The following LIG1 variants were observed in gnomAD, a reference collection of about 807,000 sequenced individuals.
The protein encoded by LIG1 is DNA ligase 1.
A neutral mutation model predicts 115.7 loss-of-function variants in LIG1; 70 were observed. The observed-to-expected ratio is 0.60, with a 90% CI of 0.50 to 0.74. LIG1 has a LOEUF of 0.74. Ranked by LOEUF, LIG1 falls within the 30% of genes least tolerant of loss-of-function variation. The pLI, the probability that LIG1 is intolerant of heterozygous loss-of-function variation, is 0.00. For missense variants in LIG1, 1,115 were observed against 1,225.6 expected, an observed-to-expected ratio of 0.91 and a Z score of 1.35; for synonymous variants, 487 against 495.3, an observed-to-expected ratio of 0.98 and a Z score of 0.22.
At chr19:48,127,024 G>A (rs747558252) in intron 21 of LIG1, 44 of 520,170 alleles carry the variant, frequency 8.5e-5, no homozygotes, top group African/African-American at 5.8e-4. Context: ...CACTCTTCTC[G>A]TTGCAGGACC....
chr19:48,153,192 C>CA (rs776965171), intron 6 of LIG1, among the ~76,000 whole-genome samples: 2,506 of 63,750 alleles, frequency 0.039, 99 homozygotes, highest in African/African-American at 0.086. Flanking sequence ...GAGACTGTCT[C>CA]AAAAAAAAAA....
Position 48,156,938 on chromosome 19 carries a change from CAAAAAAA to C in LIG1, c.370+69_370+75del, listed in dbSNP as rs370802542. 1.2e-3 allele frequency: 707 copies of C among 610,876 alleles called. 2 individuals are homozygous for C. The African/African-American group carries it at 0.012, about 11-fold the overall frequency. 37.8% of individuals were successfully genotyped at this position (610,876 alleles called of 1,614,324 possible). On this transcript the variant is annotated intron_variant, in intron 5 of 27. Coordinates refer to ENST00000263274, the MANE Select transcript of LIG1 (RefSeq NM_000234.3). ...TAGGCAACAGAGCGAGACTATGTCT[CAAAAAAA>C]AAAAAAAAAAAAAAAAAGAGAAAAA...
rs1341410760 is a variant in LIG1, at chr19:48,170,339, A to C, written c.-156T>G. 5 of 438,538 alleles carry C rather than the reference A, an allele frequency of 1.1e-5. No individual in the cohort carries two copies. Among genetic ancestry groups the C allele is most frequent in the Non-Finnish European group, 2.3e-5 (5 of 218,534 alleles). 27.2% of individuals were successfully genotyped at this position (438,538 alleles called of 1,614,324 possible). The stretch of plus-strand genomic sequence containing the variant: ...TTCGCGCCACGGCATTCGCGCGCAG[A>C]CGTCTGCGGGCGGGGGCGGGGCAGA... On this transcript the variant is annotated 5_prime_UTR_variant, in exon 1 of 28. Transcript: ENST00000263274.
chr19:48,151,238 T>G lies in LIG1; in HGVS notation c.568A>C (p.Thr190Pro), dbSNP rs1599842330. 6.2e-7 allele frequency: 1 copy of G among 1,609,720 alleles called. No homozygotes were observed. Among genetic ancestry groups the G allele is most frequent in the Non-Finnish European group, 8.5e-7 (1 of 1,176,412 alleles). ...QPTTPPKPLK[T>P]SKAETPTESV... ...GAGAGGACCAGAAACTCACTGGAGG[T>G]CTTTAGGGGCTTGGGAGGCGTGGTG... The change falls in exon 7 of 28, where the codon ACC becomes CCC. Residue 190 changes from threonine (T) to proline (P), a missense_variant. Transcript: ENST00000263274.
At chr19:48,139,186 G>T (rs2034580624) in intron 12 of LIG1, among the ~76,000 whole-genome samples, 1 of 152,202 alleles carries the variant, frequency 6.6e-6, no homozygotes, top group Non-Finnish European at 1.5e-5. Flanking sequence ...CAAACTTCCT[G>T]GATGGCCCTG....
Position 48,117,691 on chromosome 19 carries a change from C to A in LIG1, c.2530G>T (p.Val844Leu). Residue 844 changes from valine (V) to leucine (L), a missense_variant, in exon 26 of 28, where the codon GTG becomes TTG. Transcript: ENST00000263274. ...GAGAGGGAGAGGTCAGCGCACTTCA[C>A]CTCCCACACAGCGCTGGGGTCCAGC... The part of the protein sequence containing the change: ...HWLDPSAVWE[V>L]KCADLSLSPI... The A allele has an allele frequency of 6.2e-7, 1 of 1,612,652 alleles. No homozygotes were observed. Among genetic ancestry groups the A allele is most frequent in the Non-Finnish European group, 8.5e-7 (1 of 1,179,632 alleles).
intron 11 of LIG1, 76 bp from the exon 12 acceptor site, chr19:48,140,219 G>C: frequency 1.0e-6 from 1 of 957,522 alleles, no homozygotes; most frequent in Non-Finnish European, 1.6e-6. Context: ...GTGGGTTTAA[G>C]GGGGTGGACA....
In LIG1 at chr19:48,136,115, C is replaced by A; in HGVS notation, c.1342G>T (p.Gly448Ter). 1 of 1,567,314 alleles carries A rather than the reference C, an allele frequency of 6.4e-7. No individual in the cohort carries two copies. Among genetic ancestry groups the A allele is most frequent in the Admixed American group, 1.9e-5 (1 of 53,702 alleles). ...TCTGCCAGCCCAAGGCGCAGCCGTC[C>A]GCTCAGGGACCTGGGGAGAGAGCAG... The part of the protein sequence containing the change: ...EARFIARSLS[G>*]RLRLGLAEQS... Residue 448 changes from glycine to a stop codon, truncating the protein, a stop_gained, in exon 15 of 28, where the codon GGA (glycine) becomes TGA (stop). Transcript: ENST00000263274. LOFTEE classifies it high-confidence loss of function.
chr19:48,119,100 GA>G, intron 25 of LIG1, 36 bp downstream of exon 25: 1 of 1,523,530 alleles, frequency 6.6e-7, no homozygotes, highest in Non-Finnish European at 8.9e-7. Context: ...GCAGGGGGGA[GA>G]GGGGTGGAGG....
intron 18 of LIG1, among the ~76,000 whole-genome samples, chr19:48,131,816 T>C (rs1024434546): frequency 2.0e-5 from 3 of 152,364 alleles, no homozygotes; most frequent in Non-Finnish European, 4.4e-5. Flanking sequence ...ATATGTTTGT[T>C]ATTATTTCCA....
chr19:48,161,527 G>A lies in LIG1; in HGVS notation c.108-20C>T. 6.2e-7 allele frequency: 1 copy of A among 1,613,618 alleles called. No homozygotes were observed. The highest frequency in any genetic ancestry group is 1.3e-5 in the African/African-American group (1 of 75,056). Reference sequence around the variant, plus strand: ...GCCGCCCTGGAAGGTGGGGAAATGGGGGTGTAAAGGGGCGACTACAGCAGG... The same window carrying A: ...GCCGCCCTGGAAGGTGGGGAAATGGAGGTGTAAAGGGGCGACTACAGCAGG... On this transcript the variant is annotated intron_variant, in intron 3 of 27. Coordinates refer to ENST00000263274, the MANE Select transcript of LIG1 (RefSeq NM_000234.3).
intron 4 of LIG1, among the ~76,000 whole-genome samples, chr19:48,160,054 G>A (rs2036084565): frequency 6.6e-6 from 1 of 152,192 alleles, no homozygotes; most frequent in African/African-American, 2.4e-5. Context: ...ATCTCTAGCA[G>A]CTGGAAAAGG....
intron 9 of LIG1, among the ~76,000 whole-genome samples, chr19:48,144,769 G>T (rs1178809437): frequency 1.3e-5 from 2 of 152,118 alleles, no homozygotes; most frequent in East Asian, 3.9e-4. Context: ...CTCCCAAAGT[G>T]CTAGGATTAT....
At position 48,162,340 on chromosome 19, in the gene LIG1, T is replaced by A. The variant is rs775642165; in HGVS notation, c.29A>T (p.His10Leu). The change falls in exon 3 of 28, where the codon CAC becomes CTC. Residue 10 changes from histidine (H) to leucine (L), a missense_variant. By Grantham distance (99) the His-to-Leu change is moderately conservative. Coordinates refer to ENST00000263274, the MANE Select transcript of LIG1 (RefSeq NM_000234.3). ...CTTTGCTTTACCCTCTTTCTTGGGG[T>A]GGAAAAATGACCTAGAGGAGCATAA... MQRSIMSFF[H>L]PKKEGKAKKP... 2.5e-6 allele frequency: 4 copies of A among 1,612,876 alleles called. No individual in the cohort carries two copies. In the South Asian group the frequency reaches 4.4e-5, roughly 18 times the overall value.
chr19:48,151,334 CCTCTT>C lies in LIG1; in HGVS notation c.467_471del (p.Glu156GlyfsTer11). On this transcript the variant is annotated frameshift_variant and splice_region_variant, in exon 7 of 28. Coordinates refer to ENST00000263274, the MANE Select transcript of LIG1 (RefSeq NM_000234.3). LOFTEE classifies it high-confidence loss of function. ...TCTGTGAGGCTTTCTTTCGGGGTCT[CCTCTT>C]CTGACGATAGACAGAACGGTCAGAT... 1 of 1,604,568 alleles carries C rather than the reference CCTCTT, an allele frequency of 6.2e-7. No individual in the cohort carries two copies. Among genetic ancestry groups the C allele is most frequent in the Non-Finnish European group, 8.5e-7 (1 of 1,171,398 alleles).
intron 19 of LIG1, among the ~76,000 whole-genome samples, chr19:48,130,683 G>C (rs1568493541): frequency 6.6e-6 from 1 of 152,196 alleles, no homozygotes; most frequent in Non-Finnish European, 1.5e-5. Flanking sequence ...GTGGGTGGGA[G>C]GTGTCCAGGA....
intron 4 of LIG1, among the ~76,000 whole-genome samples, chr19:48,161,017 G>A (rs192856449): frequency 6.6e-5 from 10 of 152,284 alleles, no homozygotes; most frequent in Admixed American, 5.9e-4. Context: ...GATTACAGAC[G>A]TAAGCCATTG....
intron 16 of LIG1, among the ~76,000 whole-genome samples, chr19:48,135,401 C>A (rs962555560): frequency 6.6e-6 from 1 of 152,180 alleles, no homozygotes; most frequent in Non-Finnish European, 1.5e-5. Context: ...GGATTACAGG[C>A]GTGAGCCACT....
intron 21 of LIG1, among the ~76,000 whole-genome samples, chr19:48,124,918 C>T (rs552091142): frequency 3.5e-4 from 53 of 151,382 alleles, no homozygotes; most frequent in South Asian, 1.7e-3. Context: ...GGGAGGCTGA[C>T]GCAGGAGAAT....
Sources: gnomAD v4.1 joint callset for allele counts (sites outside exome capture counted in the v4.1 genomes callset) on GRCh38, gnomAD v4.1.1 for gene constraint, MANE v1.5 for transcripts, NCBI Gene and HGNC (gene_info 2026-07-23, HGNC 2026-07-21) for gene names.